The following CADM2 variants were observed in gnomAD, a reference collection of about 807,000 sequenced individuals.
CADM2 encodes the protein cell adhesion molecule 2.
A neutral mutation model predicts 49.8 loss-of-function variants in CADM2; 12 were observed. That is an observed-to-expected ratio of 0.24 (90% confidence interval 0.15 to 0.39). The LOEUF is 0.39. CADM2 is among the 10% of genes least tolerant of loss of function. The pLI, the probability that CADM2 is intolerant of heterozygous loss-of-function variation, is 1.00. For missense variants in CADM2, 378 were observed against 492.3 expected (o/e 0.77, Z 2.20); for synonymous variants, 214 against 175.4 (o/e 1.22, Z -1.74).
intron 1 of CADM2, among the ~76,000 whole-genome samples, chr3:85,561,757 T>TG (rs1576807308): frequency 6.6e-6 from 1 of 151,798 alleles, no homozygotes; most frequent in East Asian, 1.9e-4. Flanking sequence ...ACCTTTTTTT[T>TG]AGGCAAGTGA....
chr3:85,700,442 A>C (rs756063539), intron 1 of CADM2, among the ~76,000 whole-genome samples: 12 of 152,174 alleles, frequency 7.9e-5, no homozygotes, highest in Non-Finnish European at 1.3e-4. Flanking sequence ...TATGTAACAA[A>C]ATTGTACATT....
chr3:85,788,309 C>G (rs955492285), intron 2 of CADM2, among the ~76,000 whole-genome samples: 6 of 152,050 alleles, frequency 3.9e-5, no homozygotes, highest in African/African-American at 1.4e-4. Context: ...AAATTATACA[C>G]TATTAAGTGA....
chr3:84,966,484 A>G (rs971752396), intron 1 of CADM2, among the ~76,000 whole-genome samples: 133 of 151,976 alleles, frequency 8.8e-4, no homozygotes, highest in African/African-American at 3.1e-3. Flanking sequence ...TTTTTTTTTA[A>G]AGTAAATTTT....
chr3:85,886,382 G>T, intron 5 of CADM2, 55 bp downstream of exon 5: 1 of 1,371,810 alleles, frequency 7.3e-7, no homozygotes, highest in Non-Finnish European at 1.0e-6. Flanking sequence ...AGTATGACAT[G>T]TTAAGAAAAA....
chr3:85,384,266 GT>G (rs1490223008), intron 1 of CADM2, among the ~76,000 whole-genome samples: 1 of 152,092 alleles, frequency 6.6e-6, no homozygotes, highest in East Asian at 1.9e-4. Context: ...TGAAATGCAT[GT>G]GTGCATTTTT....
intron 2 of CADM2, among the ~76,000 whole-genome samples, chr3:85,741,446 G>C (rs958546915): frequency 6.6e-6 from 1 of 152,130 alleles, no homozygotes. Flanking sequence ...GGGGCGGGGG[G>C]ATCACAAGGT....
At chr3:85,427,185 TATATATATATATATA>T (rs2036450768) in intron 1 of CADM2, among the ~76,000 whole-genome samples, 2 of 143,638 alleles carry the variant, frequency 1.4e-5, no homozygotes, top group East Asian at 2.0e-4. Flanking sequence ...TATATATATA[TATATATATATATATA>T]TGTATAATAA....
At chr3:85,246,626 G>A (rs2042653827) in intron 1 of CADM2, among the ~76,000 whole-genome samples, 2 of 152,114 alleles carry the variant, frequency 1.3e-5, no homozygotes, top group Admixed American at 1.3e-4. Flanking sequence ...TCTAGGAATA[G>A]TCTCTTTAAT....
At chr3:85,105,537 A>C (rs565216891) in intron 1 of CADM2, among the ~76,000 whole-genome samples, 4 of 152,102 alleles carry the variant, frequency 2.6e-5, no homozygotes, top group African/African-American at 9.7e-5. Flanking sequence ...TCAGTGTGGC[A>C]ATTCCTCAGG....
At chr3:85,666,583 A>G (rs1403366348) in intron 1 of CADM2, among the ~76,000 whole-genome samples, 1 of 152,036 alleles carries the variant, frequency 6.6e-6, no homozygotes, top group African/African-American at 2.4e-5. Context: ...AGGAAAAACT[A>G]TATTTTTATG....
intron 7 of CADM2, among the ~76,000 whole-genome samples, chr3:85,943,044 G>A (rs1463450993): frequency 6.6e-6 from 1 of 152,014 alleles, no homozygotes; most frequent in South Asian, 2.1e-4. Flanking sequence ...GTGTGAGATG[G>A]TATCTCATTG....
chr3:86,012,695 A>G lies in CADM2; in HGVS notation c.970+51048A>G, dbSNP rs1437605874. 15 of 1,186,594 alleles carry G rather than the reference A, an allele frequency of 1.3e-5. No homozygotes were observed. In the East Asian group the frequency reaches 2.2e-4, roughly 17 times the overall value. 73.5% of individuals were successfully genotyped at this position (1,186,594 alleles called of 1,614,324 possible). On this transcript the variant is annotated intron_variant, in intron 8 of 9. Coordinates refer to ENST00000383699, the MANE Select transcript of CADM2 (RefSeq NM_001167675.2). ...TTGTAGGAGAGCTGACTTAGAAGAT[A>G]AAACACCTGATCGGCTGGGCGCGTT...
At chr3:86,032,928 T>C (rs968801593) in intron 8 of CADM2, among the ~76,000 whole-genome samples, 8 of 151,958 alleles carry the variant, frequency 5.3e-5, no homozygotes, top group Admixed American at 5.3e-4. Context: ...AGTTCTTTGA[T>C]GAGAGATTTC....
chr3:85,415,260 A>G (rs1194716338), intron 1 of CADM2, among the ~76,000 whole-genome samples: 1 of 152,116 alleles, frequency 6.6e-6, no homozygotes, highest in Non-Finnish European at 1.5e-5. Flanking sequence ...AATTTCGTGG[A>G]CTTAAGAATT....
At chr3:85,555,091 GTCACTGCTT>G (rs1180695018) in intron 1 of CADM2, among the ~76,000 whole-genome samples, 1 of 152,020 alleles carries the variant, frequency 6.6e-6, no homozygotes, top group African/African-American at 2.4e-5. Context: ...CTAACTGTGT[GTCACTGCTT>G]TCACTGTGTT....
chr3:85,926,624 T>C (rs2108516065), intron 6 of CADM2, among the ~76,000 whole-genome samples: 1 of 152,326 alleles, frequency 6.6e-6, no homozygotes, highest in Middle Eastern at 3.4e-3. Context: ...AATTTCTAAA[T>C]TTCCGTTAGT....
chr3:85,041,618 T>G lies in CADM2; in HGVS notation c.61+81950T>G, dbSNP rs142754120. 4.1e-4 allele frequency among the ~76,000 whole-genome samples: 63 copies of G among 152,346 alleles called. 1 individual carries two copies. Among genetic ancestry groups the G allele is most frequent in the African/African-American group, 1.4e-3 (59 of 41,588 alleles). ...CTTTCTAACTTCAAGGAGTGAGGAT[T>G]TAGTCATCTATACTAGTTCCTGCAC... On this transcript the variant is annotated intron_variant, in intron 1 of 9. Transcript: ENST00000383699.
At chr3:85,990,070 G>GTGGTAAATAATA (rs1559786375) in intron 8 of CADM2, among the ~76,000 whole-genome samples, 1 of 137,804 alleles carries the variant, frequency 7.3e-6, no homozygotes, top group Non-Finnish European at 1.5e-5. Flanking sequence ...AGTTAGAAAT[G>GTGGTAAATAATA]GTGGTAAATG....
chr3:85,273,627 G>A (rs951540217), intron 1 of CADM2, among the ~76,000 whole-genome samples: 5 of 151,336 alleles, frequency 3.3e-5, no homozygotes, highest in Non-Finnish European at 7.4e-5. Context: ...ATGTGAAGTT[G>A]TTATATGTTA....
Sources: allele counts gnomAD v4.1 joint callset (sites outside exome capture counted in the v4.1 genomes callset), GRCh38; gene constraint gnomAD v4.1.1; transcripts MANE v1.5; gene names NCBI Gene and HGNC (gene_info 2026-07-23, HGNC 2026-07-21).